Variants in NAALADL2 observed in about 807,000 individuals in gnomAD.
The protein encoded by NAALADL2 is inactive N-acetylated-alpha-linked acidic dipeptidase-like protein 2.
NAALADL2 carries 76 observed loss-of-function variants against 87.2 expected under a neutral mutation model. The observed-to-expected ratio is 0.87, with a 90% CI of 0.72 to 1.05. NAALADL2 has a LOEUF of 1.05. NAALADL2 is among the 50% of genes least tolerant of loss of function. NAALADL2 has a pLI of 0.00. For synonymous variants in NAALADL2, 354 were observed against 331.0 expected, an observed-to-expected ratio of 1.07 and a Z score of -0.75; for missense variants, 1,089 against 945.8, an observed-to-expected ratio of 1.15 and a Z score of -1.99.
At chr3:174,942,543 G>T (rs1012470875) in intron 1 of NAALADL2, among the ~76,000 whole-genome samples, 3 of 151,922 alleles carry the variant, frequency 2.0e-5, no homozygotes, top group Admixed American at 2.0e-4. Flanking sequence ...ACTCTTGCAG[G>T]AGTTTTCTGT....
intron 10 of NAALADL2, among the ~76,000 whole-genome samples, chr3:175,597,864 C>T (rs1560824718): frequency 6.6e-6 from 1 of 151,910 alleles, no homozygotes; most frequent in Non-Finnish European, 1.5e-5. Flanking sequence ...TAGCATAATG[C>T]TCCATAAACT....
rs116062810 is a variant in NAALADL2 at position 175,341,849 on chromosome 3, T to C, written c.1090+17524T>C. 6.3e-3 allele frequency among the ~76,000 whole-genome samples: 953 copies of C among 152,226 alleles called. 10 individuals are homozygous for C. The highest frequency in any genetic ancestry group is 0.021 in the African/African-American group (855 of 41,564). ...GTCATTTTGAATTAATTTTTGTATA[T>C]GGTATGATGTAGGAGTCCAACTTTA... On this transcript the variant is annotated intron_variant, in intron 5 of 13. Coordinates refer to ENST00000454872, the MANE Select transcript of NAALADL2 (RefSeq NM_207015.3).
chr3:175,042,708 A>G (rs1184811317), intron 1 of NAALADL2, among the ~76,000 whole-genome samples: 1 of 152,152 alleles, frequency 6.6e-6, no homozygotes, highest in Non-Finnish European at 1.5e-5. Flanking sequence ...ATATTTTCAT[A>G]TATCTATTGA....
intron 5 of NAALADL2, among the ~76,000 whole-genome samples, chr3:175,330,379 A>T (rs1219083500): frequency 6.6e-6 from 1 of 151,904 alleles, no homozygotes; most frequent in Non-Finnish European, 1.5e-5. Flanking sequence ...TGAAGGTTGA[A>T]CTGTAGTGAG....
intron 1 of NAALADL2, among the ~76,000 whole-genome samples, chr3:175,042,695 A>C (rs896593471): frequency 6.6e-6 from 1 of 152,140 alleles, no homozygotes; most frequent in African/African-American, 2.4e-5. Flanking sequence ...AGTGATATTG[A>C]CCATATTTTC....
intron 5 of NAALADL2, among the ~76,000 whole-genome samples, chr3:175,430,729 A>G (rs1307586473): frequency 6.6e-6 from 1 of 152,054 alleles, no homozygotes; most frequent in Non-Finnish European, 1.5e-5. Flanking sequence ...CTATCTATAA[A>G]TGTTTATTCT....
At chr3:175,181,833 A>G (rs1736608408) in intron 2 of NAALADL2, among the ~76,000 whole-genome samples, 1 of 150,698 alleles carries the variant, frequency 6.6e-6, no homozygotes, top group African/African-American at 2.4e-5. Context: ...TATTGTGAAT[A>G]ATGCTACAAT....
intron 9 of NAALADL2, among the ~76,000 whole-genome samples, chr3:175,543,198 G>A (rs1712683186): frequency 6.6e-6 from 1 of 152,004 alleles, no homozygotes; most frequent in African/African-American, 2.4e-5. Flanking sequence ...ATTGATGTAG[G>A]TTCAAACTCC....
At chr3:174,554,245 T>C (rs1192848525) in intron 2 of NAALADL2, among the ~76,000 whole-genome samples, 1 of 152,090 alleles carries the variant, frequency 6.6e-6, no homozygotes, top group African/African-American at 2.4e-5. Context: ...CAAAATAGTA[T>C]CATATCTTTA....
chr3:174,957,377 CT>C (rs1741303648), intron 1 of NAALADL2, among the ~76,000 whole-genome samples: 1 of 151,972 alleles, frequency 6.6e-6, no homozygotes, highest in Admixed American at 6.6e-5. Flanking sequence ...TAGGCCAGGC[CT>C]GAACTACAGA....
chr3:175,400,315 TTCA>T (rs1233680441), intron 5 of NAALADL2, among the ~76,000 whole-genome samples: 1 of 152,066 alleles, frequency 6.6e-6, no homozygotes, highest in Non-Finnish European at 1.5e-5. Flanking sequence ...GATCAAGGGC[TTCA>T]TCGGTACTGG....
chr3:175,634,296 G>A (rs1560888249), intron 11 of NAALADL2, among the ~76,000 whole-genome samples: 2 of 150,922 alleles, frequency 1.3e-5, no homozygotes, highest in South Asian at 2.1e-4. Context: ...TTAAATACAT[G>A]ACTTGCAAAA....
intron 1 of NAALADL2, among the ~76,000 whole-genome samples, chr3:174,892,028 C>A (rs1248303227): frequency 6.6e-6 from 1 of 152,082 alleles, no homozygotes; most frequent in African/African-American, 2.4e-5. Flanking sequence ...TGGGGTGCCC[C>A]CTAAAGCAGA....
At chr3:175,797,964 A>C (rs922755249) in intron 13 of NAALADL2, among the ~76,000 whole-genome samples, 3 of 152,124 alleles carry the variant, frequency 2.0e-5, no homozygotes, top group Non-Finnish European at 4.4e-5. Flanking sequence ...ATGTGATAAC[A>C]TGTAAAAACA....
At chr3:175,393,821 C>T (rs143273758) in intron 5 of NAALADL2, among the ~76,000 whole-genome samples, 60 of 152,284 alleles carry the variant, frequency 3.9e-4, no homozygotes, top group Non-Finnish European at 5.9e-4. Flanking sequence ...TATCCATACC[C>T]AAATTTTGAA....
At chr3:175,577,581 A>G (rs1719081612) in intron 10 of NAALADL2, among the ~76,000 whole-genome samples, 1 of 152,210 alleles carries the variant, frequency 6.6e-6, no homozygotes, top group Non-Finnish European at 1.5e-5. Context: ...GCTAAAGTCT[A>G]TCTAACAGAA....
intron 4 of NAALADL2, among the ~76,000 whole-genome samples, chr3:175,314,957 C>T (rs9859819): frequency 0.14 from 21,026 of 151,592 alleles, 1,528 homozygotes; most frequent in Admixed American, 0.16. Flanking sequence ...CTATAAGGTT[C>T]CTGCTTCAAG....
At chr3:175,752,547 C>CA (rs1007157204) in intron 12 of NAALADL2, among the ~76,000 whole-genome samples, 1 of 152,066 alleles carries the variant, frequency 6.6e-6, no homozygotes, top group African/African-American at 2.4e-5. Flanking sequence ...ATTTATATAT[C>CA]AAAATGATTG....
At chr3:174,790,893 TG>T (rs1278351378) in intron 3 of NAALADL2, among the ~76,000 whole-genome samples, 5 of 152,126 alleles carry the variant, frequency 3.3e-5, no homozygotes, top group African/African-American at 1.2e-4. Context: ...TTGTGGATAT[TG>T]TTGAGATACA....
Sources: allele counts gnomAD v4.1 joint callset (sites outside exome capture counted in the v4.1 genomes callset), GRCh38; gene constraint gnomAD v4.1.1; transcripts MANE v1.5; gene names NCBI Gene and HGNC (gene_info 2026-07-23, HGNC 2026-07-21).